The following WDR27 variants were observed in gnomAD, a reference collection of about 807,000 sequenced individuals.
WDR27 encodes the protein WD repeat domain 27.
A neutral mutation model predicts 114.4 loss-of-function variants in WDR27; 100 were observed. That is an observed-to-expected ratio of 0.87 (90% CI 0.74 to 1.03). The LOEUF is 1.03. WDR27 is among the 50% of genes least tolerant of loss of function. The pLI is 0.00. For synonymous variants in WDR27, 449 were observed against 423.1 expected (o/e 1.06, Z -0.75); for missense variants, 1,129 against 1,092.9 (o/e 1.03, Z -0.47).
chr6:169,691,338 A>G (rs1485336486), intron 1 of WDR27, among the ~76,000 whole-genome samples: 3 of 152,198 alleles, frequency 2.0e-5, no homozygotes, highest in African/African-American at 7.2e-5. Context: ...TTTGTCTCCA[A>G]TTCACAATTT....
At chr6:169,553,536 G>A (rs1798474568) in intron 25 of WDR27, among the ~76,000 whole-genome samples, 1 of 152,154 alleles carries the variant, frequency 6.6e-6, no homozygotes, top group Non-Finnish European at 1.5e-5. Context: ...CTTGGATGCA[G>A]GATTTCTGCT....
At chr6:169,617,626 T>A (rs926536093) in intron 21 of WDR27, among the ~76,000 whole-genome samples, 4 of 152,194 alleles carry the variant, frequency 2.6e-5, no homozygotes, top group Admixed American at 6.5e-5. Context: ...TCCACCCACC[T>A]CTGCCTCCCA....
rs1584814613 is a variant in WDR27 at position 169,640,859 on chromosome 6, G to C, written c.1748-2199C>G. 4.6e-5 allele frequency among the ~76,000 whole-genome samples: 7 copies of C among 152,354 alleles called. No individual in the cohort carries two copies. The South Asian group carries it at 1.4e-3, about 32-fold the overall frequency. Reference sequence around the variant, plus strand: ...GCCGCGAGAGGTCGCACAGGAGGGAGGGTGAAGTCACTGCTACCCATGCTC... The same window carrying C: ...GCCGCGAGAGGTCGCACAGGAGGGACGGTGAAGTCACTGCTACCCATGCTC... On this transcript the variant is annotated intron_variant, in intron 17 of 25. Transcript: ENST00000448612.
chr6:169,673,325 T>C (rs976147328), intron 2 of WDR27, among the ~76,000 whole-genome samples: 1 of 152,058 alleles, frequency 6.6e-6, no homozygotes, highest in Non-Finnish European at 1.5e-5. Context: ...AGAATTCCAC[T>C]TCTAGTAAAG....
At chr6:169,529,315 G>A (rs1286300041) in intron 25 of WDR27, among the ~76,000 whole-genome samples, 3 of 94,828 alleles carry the variant, frequency 3.2e-5, no homozygotes, top group Non-Finnish European at 3.9e-5. Flanking sequence ...ACCTCTGCGG[G>A]GGGGGGGGGC....
At chr6:169,503,274 G>A (rs925362055) in intron 25 of WDR27, among the ~76,000 whole-genome samples, 1 of 152,172 alleles carries the variant, frequency 6.6e-6, no homozygotes, top group African/African-American at 2.4e-5. Flanking sequence ...AGACAACTGG[G>A]AGGAAAACTT....
chr6:169,494,966 T>C (rs1790212540), intron 25 of WDR27, among the ~76,000 whole-genome samples: 1 of 152,136 alleles, frequency 6.6e-6, no homozygotes, highest in Admixed American at 6.5e-5. Context: ...GAAAGAGAAA[T>C]TGCACAAACA....
chr6:169,452,518 GGGGTC>G (rs1784194687), downstream of WDR27, among the ~76,000 whole-genome samples: 1 of 67,770 alleles, frequency 1.5e-5, no homozygotes, highest in African/African-American at 1.5e-4. Context: ...AGCCGTGCGT[GGGGTC>G]AGAGAGGAGC....
intron 25 of WDR27, among the ~76,000 whole-genome samples, chr6:169,463,800 G>A (rs565579238): frequency 1.3e-5 from 2 of 152,128 alleles, no homozygotes; most frequent in East Asian, 1.9e-4. Flanking sequence ...ATTTAAAATA[G>A]CATCAAAATA....
In WDR27 at chr6:169,659,467, C is replaced by A; in HGVS notation, c.1181G>T (p.Arg394Leu). The change falls in exon 11 of 26, where the codon CGC (arginine) becomes CTC (leucine). Residue 394 changes from arginine to leucine, a missense_variant. Transcript: ENST00000448612. This position sits in a 1 kb window ranked among gnomAD's most constrained non-coding sequence, Gnocchi z 4.3. ...LLAGSCALRN[R>L]TADQKVLCLL... Reference sequence around the variant, plus strand: ...AGGACTGACCTTTTGATCCGCAGTGCGGTTCCTCAGGGCACACGATCCGGC... The same window carrying A: ...AGGACTGACCTTTTGATCCGCAGTGAGGTTCCTCAGGGCACACGATCCGGC... The A allele has an allele frequency of 6.2e-7, 1 of 1,609,104 alleles. No homozygotes were observed. The highest frequency in any genetic ancestry group is 8.5e-7 in the Non-Finnish European group (1 of 1,177,792).
intron 1 of WDR27, among the ~76,000 whole-genome samples, chr6:169,690,901 C>T (rs1416423078): frequency 1.3e-5 from 2 of 152,164 alleles, no homozygotes; most frequent in Non-Finnish European, 2.9e-5. Flanking sequence ...GAATGGACCA[C>T]TCGAGATCAT....
intron 23 of WDR27, among the ~76,000 whole-genome samples, chr6:169,585,931 C>T (rs1268166095): frequency 2.0e-5 from 3 of 152,182 alleles, no homozygotes; most frequent in African/African-American, 4.8e-5. Flanking sequence ...TTTCTCTAAA[C>T]ATTTTTCCAT....
intron 1 of WDR27, among the ~76,000 whole-genome samples, chr6:169,696,691 G>T (rs1786125727): frequency 6.6e-6 from 1 of 152,106 alleles, no homozygotes; most frequent in Admixed American, 6.5e-5. Context: ...GAGGCGGGTG[G>T]ATCACGAGGT....
chr6:169,563,063 G>A (rs1289571733), intron 25 of WDR27, among the ~76,000 whole-genome samples: 6 of 152,138 alleles, frequency 3.9e-5, no homozygotes, highest in Admixed American at 3.9e-4. Context: ...TTAAGATGAG[G>A]AAAAGTATGA....
In WDR27 at chr6:169,660,663, C is replaced by T; in HGVS notation, c.1129G>A (p.Asp377Asn). ...ATGGCGTTGAAATCAAAGATCTTAC[C>T]CTTGTAATACAAAGCAGCTTCCACT... ...LEVEAALYYK[D>N]FQSLSILLAG... The change falls in exon 10 of 26, where the codon GAT (aspartate) becomes AAT (asparagine). Residue 377 changes from aspartate to asparagine, a missense_variant and splice_region_variant. Transcript: ENST00000448612. 3 of 1,612,252 alleles carry T rather than the reference C, an allele frequency of 1.9e-6. No individual in the cohort carries two copies. The highest frequency in any genetic ancestry group is 2.5e-6 in the Non-Finnish European group (3 of 1,178,326).
At chr6:169,672,522 T>C (rs1281091538) in intron 2 of WDR27, 126 bp from the exon 3 acceptor site, 10 of 1,020,042 alleles carry the variant, frequency 9.8e-6, no homozygotes, top group South Asian at 9.6e-5. Context: ...TACATATTCA[T>C]TGTTAATTCA....
At chr6:169,526,828 A>G (rs1795021199) in intron 25 of WDR27, among the ~76,000 whole-genome samples, 1 of 152,206 alleles carries the variant, frequency 6.6e-6, no homozygotes, top group East Asian at 1.9e-4. Context: ...AAATAACCCA[A>G]TTTTAAAATG....
At chr6:169,668,497 G>A in intron 4 of WDR27, 1 of 279,738 alleles carries the variant, frequency 3.6e-6, no homozygotes, top group Non-Finnish European at 6.8e-6. Flanking sequence ...CTTCCTACAA[G>A]ACAAGACGGT....
downstream of WDR27, chr6:169,457,117 G>A: frequency 6.2e-6 from 1 of 160,932 alleles, no homozygotes; most frequent in Non-Finnish European, 1.3e-5. Context: ...CACTCACCAT[G>A]CAGAGCCATG....
Sources: allele counts gnomAD v4.1 joint callset (sites outside exome capture counted in the v4.1 genomes callset), GRCh38; gene constraint gnomAD v4.1.1; non-coding constraint Gnocchi (gnomAD v3.1); transcripts MANE v1.5; gene names NCBI Gene and HGNC (gene_info 2026-07-23, HGNC 2026-07-21).